IQCM: variants seen among roughly 807,000 people sequenced by gnomAD.
IQCM encodes the protein IQ motif containing M.
A neutral mutation model predicts 57.6 loss-of-function variants in IQCM; 45 were observed. The observed-to-expected ratio is 0.78, with a 90% CI of 0.62 to 1.00. The LOEUF (loss-of-function observed/expected upper bound fraction) is 1.00, where lower values mean the gene tolerates loss of function less well. Ranked by LOEUF, IQCM falls within the 50% of genes least tolerant of loss-of-function variation. The pLI is 0.00. For synonymous variants in IQCM, 148 were observed against 158.9 expected (o/e 0.93, Z 0.51); for missense variants, 468 against 511.6 (o/e 0.91, Z 0.82).
At chr4:149,668,632 C>T (rs1561131431) in intron 7 of IQCM, among the ~76,000 whole-genome samples, 1 of 151,948 alleles carries the variant, frequency 6.6e-6, no homozygotes, top group Non-Finnish European at 1.5e-5. Flanking sequence ...ACATTCTGCA[C>T]GTTTCCCAGA....
chr4:149,553,128 G>A lies in IQCM; in HGVS notation c.1093+15C>T, dbSNP rs2726745. 0.27 allele frequency: 331,047 copies of A among 1,229,136 alleles called. 47,153 individuals carry two copies. Among genetic ancestry groups the A allele is most frequent in the Non-Finnish European group, 0.29 (284,032 of 985,346 alleles). 76.1% of individuals were successfully genotyped at this position (1,229,136 alleles called of 1,614,324 possible). A position where few individuals can be genotyped will look rare whatever the true frequency, so the allele number is the denominator to read the frequency against. The stretch of plus-strand genomic sequence containing the variant: ...CCAAACTTAAATTCAAACCAGAAGT[G>A]TCTGCATCACTTACATTTTTTTCGG... On this transcript the variant is annotated intron_variant, in intron 11 of 13. Coordinates refer to ENST00000636793, the MANE Select transcript of IQCM (RefSeq NM_001363507.2).
chr4:149,514,853 G>C (rs10018312), intron 12 of IQCM: 1 of 152,174 alleles, frequency 6.6e-6, no homozygotes, highest in Admixed American at 6.6e-5. Flanking sequence ...CCAGAACATA[G>C]AGCAGGCAGA....
At chr4:149,727,876 G>T (rs1766096225) in intron 5 of IQCM, among the ~76,000 whole-genome samples, 1 of 152,226 alleles carries the variant, frequency 6.6e-6, no homozygotes, top group East Asian at 1.9e-4. Context: ...GTGGTGTGCT[G>T]CAGCAAGCTC....
intron 2 of IQCM, among the ~76,000 whole-genome samples, chr4:149,750,065 G>A (rs191246063): frequency 7.2e-5 from 11 of 152,196 alleles, no homozygotes; most frequent in Admixed American, 2.0e-4. Context: ...TGGAAATCCC[G>A]CTACTACTGA....
intron 13 of IQCM, among the ~76,000 whole-genome samples, chr4:149,371,007 G>T (rs1730333299): frequency 6.6e-6 from 1 of 151,960 alleles, no homozygotes; most frequent in African/African-American, 2.4e-5. Context: ...TGGAAATATT[G>T]TAAGACTCAG....
intron 13 of IQCM, among the ~76,000 whole-genome samples, chr4:149,432,628 T>C (rs1007123903): frequency 8.5e-5 from 13 of 152,086 alleles, no homozygotes; most frequent in African/African-American, 3.1e-4. Context: ...AAACACATAG[T>C]AAATTGTACT....
chr4:149,530,911 G>A (rs1208165179), intron 12 of IQCM, among the ~76,000 whole-genome samples: 1 of 148,902 alleles, frequency 6.7e-6, no homozygotes, highest in African/African-American at 2.5e-5. Context: ...TCCTAAAAAT[G>A]TATGGGCTAC....
chr4:149,628,296 CA>C (rs76526226), intron 7 of IQCM, among the ~76,000 whole-genome samples: 2,335 of 151,892 alleles, frequency 0.015, 68 homozygotes, highest in South Asian at 0.14. Flanking sequence ...GAAGCCAAAA[CA>C]ATAAAGAAAT....
chr4:149,557,439 T>C (rs1749697388), intron 10 of IQCM, among the ~76,000 whole-genome samples: 1 of 152,176 alleles, frequency 6.6e-6, no homozygotes, highest in African/African-American at 2.4e-5. Context: ...TTATACAACC[T>C]GGAGAAATGC....
intron 12 of IQCM, among the ~76,000 whole-genome samples, chr4:149,500,393 G>T (rs1019753235): frequency 1.3e-5 from 2 of 152,128 alleles, no homozygotes; most frequent in African/African-American, 4.8e-5. Flanking sequence ...GTGAGATGTA[G>T]TGAATTGAAG....
At chr4:149,378,528 G>C (rs1361437527) in intron 13 of IQCM, among the ~76,000 whole-genome samples, 1 of 152,120 alleles carries the variant, frequency 6.6e-6, no homozygotes, top group East Asian at 1.9e-4. Flanking sequence ...AAAGTGACTG[G>C]TGGCATTTTG....
At chr4:149,474,106 C>G (rs1739907293) in intron 12 of IQCM, among the ~76,000 whole-genome samples, 1 of 150,810 alleles carries the variant, frequency 6.6e-6, no homozygotes, top group Admixed American at 6.6e-5. Context: ...CACATGTACC[C>G]TAGAACTTAA....
intron 5 of IQCM, among the ~76,000 whole-genome samples, chr4:149,693,441 C>T (rs1450677065): frequency 6.6e-6 from 1 of 152,078 alleles, no homozygotes; most frequent in Non-Finnish European, 1.5e-5. Context: ...ATCCATAAGC[C>T]CGAAAGTCAT....
chr4:149,543,320 G>T (rs1231344132), intron 12 of IQCM, among the ~76,000 whole-genome samples: 1 of 151,934 alleles, frequency 6.6e-6, no homozygotes, highest in Non-Finnish European at 1.5e-5. Context: ...CAAACTATAT[G>T]TGGAAAATCT....
intron 13 of IQCM, among the ~76,000 whole-genome samples, chr4:149,363,423 G>A (rs1729627539): frequency 6.6e-6 from 1 of 152,138 alleles, no homozygotes; most frequent in Non-Finnish European, 1.5e-5. Context: ...TATCCAAGGA[G>A]AATTTGTAGA....
chr4:149,572,450 C>A (rs1374337335), intron 9 of IQCM, among the ~76,000 whole-genome samples: 1 of 151,790 alleles, frequency 6.6e-6, no homozygotes, highest in Non-Finnish European at 1.5e-5. Flanking sequence ...CTAAGCCTGG[C>A]TCATTTTTCT....
chr4:149,483,322 G>C (rs1560898423), intron 12 of IQCM, among the ~76,000 whole-genome samples: 2 of 151,290 alleles, frequency 1.3e-5, no homozygotes, highest in African/African-American at 4.9e-5. Flanking sequence ...TTTGAGTTTG[G>C]TTTGCTCTTG....
intron 2 of IQCM, among the ~76,000 whole-genome samples, chr4:149,789,524 AC>A (rs1277145305): frequency 2.6e-5 from 4 of 152,218 alleles, no homozygotes; most frequent in African/African-American, 9.6e-5. Context: ...TATTATGAAT[AC>A]ATACACCTTA....
At chr4:149,682,543 T>C (rs757904673) in intron 6 of IQCM, among the ~76,000 whole-genome samples, 2 of 151,118 alleles carry the variant, frequency 1.3e-5, no homozygotes, top group Non-Finnish European at 3.0e-5. Context: ...CATGTTTTCC[T>C]AACATGATTG....
Sources: allele counts gnomAD v4.1 joint callset (sites outside exome capture counted in the v4.1 genomes callset), GRCh38; gene constraint gnomAD v4.1.1; transcripts MANE v1.5; gene names NCBI Gene and HGNC (gene_info 2026-07-23, HGNC 2026-07-21).